NADK: variants seen among roughly 807,000 people sequenced by gnomAD.
NADK encodes poly(P)/ATP NAD kinase.
A neutral mutation model predicts 49.8 loss-of-function variants in NADK; 22 were observed. The ratio of observed to expected loss-of-function variants is 0.44; its 90% CI spans 0.32 to 0.63. The LOEUF (loss-of-function observed/expected upper bound fraction) is 0.63, where lower values mean the gene tolerates loss of function less well. NADK is among the 30% of genes least tolerant of loss of function. The pLI is 0.06. For synonymous variants in NADK, 268 were observed against 253.7 expected (o/e 1.06, Z -0.54); for missense variants, 438 against 609.4 (o/e 0.72, Z 2.96).
At chr1:1,768,819 G>A (rs139026950) in intron 1 of NADK, among the ~76,000 whole-genome samples, 32 of 152,338 alleles carry the variant, frequency 2.1e-4, no homozygotes, top group African/African-American at 7.7e-4. Flanking sequence ...ACTAAAATAT[G>A]TGAGATGATG....
chr1:1,754,879 TG>T lies in NADK; in HGVS notation c.689-182del. ...CTCTGTCACCCAGGCTGGAATGCAGTGGTGTGATCTTGGCTCACTGCAACCT... is the reference window on the plus strand; with the variant it reads ...CTCTGTCACCCAGGCTGGAATGCAGTGTGTGATCTTGGCTCACTGCAACCT... On this transcript the variant is annotated intron_variant, in intron 7 of 11. Transcript: ENST00000341426. This position sits in a 1 kb window ranked among gnomAD's most constrained non-coding sequence, Gnocchi z 4.3. The T allele has an allele frequency of 1.7e-6, 1 of 601,150 alleles. No individual in the cohort carries two copies. Among genetic ancestry groups the T allele is most frequent in the Non-Finnish European group, 2.8e-6 (1 of 355,458 alleles). 37.2% of individuals were successfully genotyped at this position (601,150 alleles called of 1,614,324 possible).
intron 5 of NADK, 40 bp from the exon 6 acceptor site, chr1:1,756,383 C>G (rs1427019311): frequency 1.2e-6 from 2 of 1,608,580 alleles, no homozygotes; most frequent in Non-Finnish European, 1.7e-6. Flanking sequence ...GGCTGTCACA[C>G]AGTGGCCCCT....
At chr1:1,764,877 G>T (rs1007797792) in intron 2 of NADK, among the ~76,000 whole-genome samples, 57 of 152,324 alleles carry the variant, frequency 3.7e-4, no homozygotes, top group African/African-American at 1.3e-3. Context: ...CTCCAGCTTG[G>T]GGGACAGAGC....
intron 3 of NADK, chr1:1,759,722 CCA>C: frequency 6.4e-7 from 1 of 1,551,362 alleles, no homozygotes; most frequent in Non-Finnish European, 8.7e-7. Flanking sequence ...CAAGGCTGCC[CCA>C]CAAACCCACC....
At chr1:1,762,564 T>C (rs1645758389) in intron 2 of NADK, among the ~76,000 whole-genome samples, 1 of 152,114 alleles carries the variant, frequency 6.6e-6, no homozygotes, top group Non-Finnish European at 1.5e-5. Context: ...GAGACCAGCC[T>C]GGCCAACATG....
At position 1,756,858 on chromosome 1, in the gene NADK, C is replaced by T. The variant is rs764860101; in HGVS notation, c.394-250G>A. 7 of 816,740 alleles carry T rather than the reference C, an allele frequency of 8.6e-6. No individual in the cohort carries two copies. In the Middle Eastern group the frequency reaches 6.6e-4, roughly 77 times the overall value. The allele number at this position is 816,740 out of a possible 1,614,324, so 50.6% of individuals were successfully genotyped here. A position where few individuals can be genotyped will look rare whatever the true frequency, so the allele number is the denominator to read the frequency against. ...TTATTTCAGGAGTGGCTTTCCTGGGCGCCGCAACCCCCACGCCTGCTCTTC... is the reference window on the plus strand; with the variant it reads ...TTATTTCAGGAGTGGCTTTCCTGGGTGCCGCAACCCCCACGCCTGCTCTTC... On this transcript the variant is annotated intron_variant, in intron 4 of 11. Transcript: ENST00000341426.
In NADK at chr1:1,752,100, ATAAATGTAAACATTG is replaced by A. The variant is rs1360823498; in HGVS notation, c.*789_*803del. 6.6e-6 allele frequency: 1 copy of A among 152,312 alleles called. No individual in the cohort carries two copies. Among genetic ancestry groups the A allele is most frequent in the Non-Finnish European group, 1.5e-5 (1 of 67,962 alleles). The allele number at this position is 152,312 out of a possible 1,614,324, so 9.4% of individuals were successfully genotyped here. ...CCCTGAGGACAGCGTCTTGCAGAAC[ATAAATGTAAACATTG>A]AATGGCAGACGACTCCCTTCCCCTT... On this transcript the variant is annotated 3_prime_UTR_variant, in exon 12 of 12. Coordinates refer to ENST00000341426, the MANE Select transcript of NADK (RefSeq NM_023018.5).
intron 3 of NADK, among the ~76,000 whole-genome samples, chr1:1,761,184 G>A (rs994303352): frequency 2.0e-5 from 3 of 152,192 alleles, no homozygotes; most frequent in Non-Finnish European, 4.4e-5. Context: ...GTAGAGATGG[G>A]GTTTCACCAT....
At position 1,759,828 on chromosome 1, in the gene NADK, G is replaced by A. The variant is rs112028355; in HGVS notation, c.263+2124C>T. On this transcript the variant is annotated intron_variant, in intron 3 of 11. Transcript: ENST00000341426. ...CTGAGGCAGAACATGCACCTGTCCG[G>A]TGACCCCGCCCTGGCCCGAGTGACT... 5.4e-4 allele frequency: 833 copies of A among 1,552,160 alleles called. 4 individuals carry two copies. In the African/African-American group the frequency reaches 9.9e-3, roughly 19 times the overall value.
upstream of NADK, chr1:1,779,259 G>C (rs1424647324): frequency 1.3e-5 from 2 of 152,602 alleles, no homozygotes; most frequent in African/African-American, 2.4e-5. Flanking sequence ...GGGAGTTGGG[G>C]GAGGAGGCCA....
At position 1,773,717 on chromosome 1, in the gene NADK, TGTGTGTGTGTGTGA is replaced by T. The variant is rs1171718993; in HGVS notation, c.-41+4558_-41+4571del. Among the ~76,000 whole-genome samples the T allele has an allele frequency of 4.3e-5, 6 of 138,068 alleles. No individual in the cohort carries two copies. In the East Asian group the frequency reaches 1.3e-3, roughly 30 times the overall value. The allele number at this position is 138,068 out of a possible 152,430, so 90.6% of individuals were successfully genotyped here. ...GTGTGTGTGTGTGTGTGTGTGTGTG[TGTGTGTGTGTGTGA>T]GAGAGAGAGAGAAATAGAGATATTG... On this transcript the variant is annotated intron_variant, in intron 1 of 11. Transcript: ENST00000341426.
chr1:1,759,950 G>A (rs1248742974), intron 3 of NADK: 1 of 1,538,196 alleles, frequency 6.5e-7, no homozygotes, highest in Non-Finnish European at 8.8e-7. Flanking sequence ...GCGGGGGAGA[G>A]GCCCGGTGGG....
intron 2 of NADK, among the ~76,000 whole-genome samples, chr1:1,764,856 G>T (rs1570553083): frequency 6.6e-6 from 1 of 152,318 alleles, no homozygotes; most frequent in East Asian, 1.9e-4. Flanking sequence ...AGCCAAGATT[G>T]CGCCACTGCA....
upstream of NADK, among the ~76,000 whole-genome samples, chr1:1,779,652 C>CAT (rs1407067468): frequency 2.8e-4 from 40 of 143,742 alleles, no homozygotes; most frequent in South Asian, 4.5e-4. Flanking sequence ...CTACTTCATT[C>CAT]ATATATATAT....
At chr1:1,765,207 A>T in intron 2 of NADK, 21 bp downstream of exon 2, 1 of 1,547,680 alleles carries the variant, frequency 6.5e-7, no homozygotes, top group Non-Finnish European at 8.7e-7. Context: ...AAAAAAGAGG[A>T]ACCATCCCTC....
chr1:1,755,555 A>G (rs1450297404), intron 6 of NADK, 79 bp from the exon 7 acceptor site: 6 of 1,047,210 alleles, frequency 5.7e-6, no homozygotes, highest in Non-Finnish European at 8.9e-6. Context: ...GCACCTCAGG[A>G]GGGACCCAGC....
intron 1 of NADK, among the ~76,000 whole-genome samples, chr1:1,769,571 A>G (rs1205773607): frequency 6.6e-6 from 1 of 151,966 alleles, no homozygotes; most frequent in East Asian, 1.9e-4. Flanking sequence ...CAAAAAACAA[A>G]AAACAAACTA....
At chr1:1,768,255 A>C (rs1645945181) in intron 1 of NADK, among the ~76,000 whole-genome samples, 1 of 151,814 alleles carries the variant, frequency 6.6e-6, no homozygotes, top group African/African-American at 2.4e-5. Context: ...AAGAGACACC[A>C]GGCTAGGCAC....
At chr1:1,758,874 G>A (rs1645620558) in intron 3 of NADK, among the ~76,000 whole-genome samples, 1 of 152,120 alleles carries the variant, frequency 6.6e-6, no homozygotes, top group Non-Finnish European at 1.5e-5. Flanking sequence ...CCAGCACTGC[G>A]CCAGCCACCG....
Sources: gnomAD v4.1 joint callset for allele counts (sites outside exome capture counted in the v4.1 genomes callset) on GRCh38, gnomAD v4.1.1 for gene constraint, Gnocchi (gnomAD v3.1) non-coding constraint, MANE v1.5 for transcripts, NCBI Gene and HGNC (gene_info 2026-07-23, HGNC 2026-07-21) for gene names.